The following UNKL variants were observed in gnomAD, a reference collection of about 807,000 sequenced individuals.
UNKL encodes unk like zinc finger.
In UNKL, 60 loss-of-function variants were observed where a neutral mutation model predicts 78.0. The observed-to-expected ratio is 0.77, with a 90% confidence interval of 0.63 to 0.95. The LOEUF (loss-of-function observed/expected upper bound fraction) is 0.95, where lower values mean the gene tolerates loss of function less well. Ranked by LOEUF, UNKL falls within the 40% of genes least tolerant of loss-of-function variation. The pLI, the probability that UNKL is intolerant of heterozygous loss-of-function variation, is 0.00. For synonymous variants in UNKL, 608 were observed against 474.8 expected (o/e 1.28, Z -3.65); for missense variants, 1,159 against 1,045.7 (o/e 1.11, Z -1.49).
intron 10 of UNKL, among the ~76,000 whole-genome samples, chr16:1,377,810 C>T (rs943370665): frequency 2.6e-5 from 4 of 152,114 alleles, no homozygotes; most frequent in Non-Finnish European, 5.9e-5. Context: ...TTCCCAGACA[C>T]CACGTGTGCA....
chr16:1,366,226 T>C lies in UNKL; in HGVS notation c.*14A>G. ...GCCAGGGTGCCCAGCAGGAGGTGGC[T>C]GTCCCCGCTGAGGTCACCACTGCAG... On this transcript the variant is annotated 3_prime_UTR_variant, in exon 15 of 15. Coordinates refer to ENST00000389221, the MANE Select transcript of UNKL (RefSeq NM_001372107.1). 1 of 1,512,278 alleles carries C rather than the reference T, an allele frequency of 6.6e-7. No homozygotes were observed. The highest frequency in any genetic ancestry group is 2.4e-5 in the East Asian group (1 of 40,850). 93.7% of individuals were successfully genotyped at this position (1,512,278 alleles called of 1,614,324 possible).
chr16:1,411,989 C>G (rs2142296691), intron 2 of UNKL: 1 of 152,286 alleles, frequency 6.6e-6, no homozygotes, highest in South Asian at 2.1e-4. Context: ...GTGCTGAAAG[C>G]AGCCTTCAAC....
At position 1,390,592 on chromosome 16, in the gene UNKL, G is replaced by A. The variant is rs368947243; in HGVS notation, c.1086+40C>T. The A allele has an allele frequency of 5.1e-5, 78 of 1,532,988 alleles. No homozygotes were observed. The South Asian group carries it at 7.4e-4, about 15-fold the overall frequency. 95.0% of individuals were successfully genotyped at this position (1,532,988 alleles called of 1,614,324 possible). ...GGGCGGGAAGCCTCAGCCCTAACGC[G>A]ACATCAGGCACGAGGGTGGGAAACC... On this transcript the variant is annotated intron_variant, in intron 9 of 14. Coordinates refer to ENST00000389221, the MANE Select transcript of UNKL (RefSeq NM_001372107.1).
At chr16:1,380,247 A>G (rs1008014934) in intron 10 of UNKL, among the ~76,000 whole-genome samples, 1 of 151,702 alleles carries the variant, frequency 6.6e-6, no homozygotes, top group East Asian at 2.0e-4. Context: ...CTCCAGTCAC[A>G]GTACACCTAC....
rs1440454484 is a variant in UNKL, at chr16:1,401,595, T to A, written c.571A>T (p.Ile191Phe). 1.3e-6 allele frequency: 2 copies of A among 1,599,636 alleles called. No homozygotes were observed. Among genetic ancestry groups the A allele is most frequent in the Middle Eastern group, 1.7e-4 (1 of 6,010 alleles). ...VLASQAMIEK[I>F]LSEDPRWQDA... ...TGCCACCGGGGGTCCTCGCTCAGGA[T>A]CTTCTCAATCATGGCCTGGCTGGCC... Residue 191 changes from isoleucine (I) to phenylalanine (F), a missense_variant, in exon 4 of 15, where the codon ATC becomes TTC. Ile to Phe is a conservative substitution (Grantham distance 21, BLOSUM62 0). Transcript: ENST00000389221.
rs111529207 is a variant in UNKL, at chr16:1,381,484, A to G, written c.1264+3724T>C. 1.7e-3 allele frequency among the ~76,000 whole-genome samples: 257 copies of G among 152,208 alleles called. 3 individuals carry two copies. The highest frequency in any genetic ancestry group is 5.3e-3 in the African/African-American group (222 of 41,536). ...AAAATACAAAAATTAGCCGGGCATG[A>G]TGGCACACACCTGTAATCCCAGCTA... On this transcript the variant is annotated intron_variant, in intron 10 of 14. Coordinates refer to ENST00000389221, the MANE Select transcript of UNKL (RefSeq NM_001372107.1).
chr16:1,390,592 G>C (rs368947243), intron 9 of UNKL, 40 bp downstream of exon 9: 1 of 1,533,106 alleles, frequency 6.5e-7, no homozygotes, highest in Admixed American at 2.0e-5. Flanking sequence ...GCCCTAACGC[G>C]ACATCAGGCA....
intron 12 of UNKL, among the ~76,000 whole-genome samples, chr16:1,368,628 A>C (rs986243196): frequency 4.8e-4 from 72 of 148,746 alleles, no homozygotes; most frequent in African/African-American, 1.6e-3. Flanking sequence ...AAAAAAAAAA[A>C]AAAAAAACAG....
chr16:1,367,761 C>CGAA lies in UNKL; in HGVS notation c.1680_1682dup (p.Ser562dup). ...GCTCAGCTCCGTTTGGACTTGCACT[C>CGAA]GAAGAGGATGGGGGGCCGGCACTCA... On this transcript the variant is annotated inframe_insertion, in exon 13 of 15. Coordinates refer to ENST00000389221, the MANE Select transcript of UNKL (RefSeq NM_001372107.1). The CGAA allele has an allele frequency of 6.4e-7, 1 of 1,573,974 alleles. No individual in the cohort carries two copies. Among genetic ancestry groups the CGAA allele is most frequent in the South Asian group, 1.2e-5 (1 of 85,440 alleles).
intron 10 of UNKL, chr16:1,379,648 T>C (rs1393951743): frequency 7.1e-6 from 7 of 984,242 alleles, no homozygotes; most frequent in Admixed American, 6.2e-5. Flanking sequence ...TGACTCACGG[T>C]CCGCGGCCGC....
At chr16:1,400,523 G>A (rs2037479927) in intron 4 of UNKL, among the ~76,000 whole-genome samples, 1 of 151,164 alleles carries the variant, frequency 6.6e-6, no homozygotes, top group South Asian at 2.1e-4. Context: ...GTGAGTGCAG[G>A]GACCAGGGAG....
In UNKL at chr16:1,369,372, CTCT is replaced by C. The variant is rs749102808; in HGVS notation, c.1585+755_1585+757del. ...GTGAGCCACCACGCCGGGCCTTTTT[CTCT>C]TTTTTTTTTTTGAGATGGAGTTTCA... On this transcript the variant is annotated intron_variant, in intron 12 of 14. Coordinates refer to ENST00000389221, the MANE Select transcript of UNKL (RefSeq NM_001372107.1). 8.9e-4 allele frequency among the ~76,000 whole-genome samples: 134 copies of C among 149,848 alleles called. 1 individual carries two copies. The highest frequency in any genetic ancestry group is 6.9e-3 in the Middle Eastern group (2 of 290).
chr16:1,392,547 G>A (rs1032283463), intron 8 of UNKL, among the ~76,000 whole-genome samples: 7 of 152,174 alleles, frequency 4.6e-5, no homozygotes, highest in East Asian at 1.9e-4. Flanking sequence ...TGATTCTCCC[G>A]CCTCAGCCTC....
intron 2 of UNKL, among the ~76,000 whole-genome samples, chr16:1,411,227 T>C (rs2038024784): frequency 6.6e-6 from 1 of 151,984 alleles, no homozygotes; most frequent in African/African-American, 2.4e-5. Context: ...AGGCGTGGTG[T>C]AGAGAGTCTA....
At chr16:1,367,003 G>C in intron 14 of UNKL, 89 bp downstream of exon 14, 1 of 1,438,676 alleles carries the variant, frequency 7.0e-7, no homozygotes, top group Middle Eastern at 2.5e-4. Flanking sequence ...GGGAGGAAGG[G>C]GACACCGCAC....
chr16:1,385,432 G>A, intron 9 of UNKL, 47 bp from the exon 10 acceptor site: 6 of 1,285,208 alleles, frequency 4.7e-6, no homozygotes, highest in South Asian at 4.7e-5. Flanking sequence ...CTGCGTGGAG[G>A]AGGCAGCGCC....
chr16:1,412,644 T>C (rs1265826322), intron 2 of UNKL, among the ~76,000 whole-genome samples: 1 of 152,214 alleles, frequency 6.6e-6, no homozygotes, highest in Non-Finnish European at 1.5e-5. Flanking sequence ...ATAAAAACTT[T>C]ACTGTCTTAA....
At chr16:1,392,854 G>T in intron 8 of UNKL, 37 bp downstream of exon 8, 1 of 1,548,578 alleles carries the variant, frequency 6.5e-7, no homozygotes, top group Non-Finnish European at 8.7e-7. Context: ...TAAACCAAAG[G>T]ACACTGGGCA....
intron 2 of UNKL, among the ~76,000 whole-genome samples, chr16:1,404,315 C>A (rs1235735286): frequency 6.6e-6 from 1 of 152,228 alleles, no homozygotes; most frequent in Non-Finnish European, 1.5e-5. Context: ...GCCCACCTCA[C>A]TGTGCACAGG....
Sources: allele counts gnomAD v4.1 joint callset (sites outside exome capture counted in the v4.1 genomes callset), GRCh38; gene constraint gnomAD v4.1.1; transcripts MANE v1.5; gene names NCBI Gene and HGNC (gene_info 2026-07-23, HGNC 2026-07-21).